STX8: variants seen among roughly 807,000 people sequenced by gnomAD.
The protein encoded by STX8 is syntaxin 8.
A neutral mutation model predicts 37.5 loss-of-function variants in STX8; 23 were observed. The ratio of observed to expected loss-of-function variants is 0.61; its 90% CI spans 0.44 to 0.87. The LOEUF (loss-of-function observed/expected upper bound fraction) is 0.87. Among genes scored for constraint, STX8 ranks in the 40% least tolerant of loss-of-function variants. The probability of loss-of-function intolerance (pLI) is 0.00; values close to 1 mark genes in which losing one functional copy is unlikely to be tolerated. For synonymous variants in STX8, 115 were observed against 99.1 expected (o/e 1.16, Z -0.95); for missense variants, 313 against 284.7 (o/e 1.10, Z -0.71).
At chr17:9,570,339 A>T (rs1249597777) in intron 1 of STX8, among the ~76,000 whole-genome samples, 1 of 152,104 alleles carries the variant, frequency 6.6e-6, no homozygotes, top group African/African-American at 2.4e-5. Flanking sequence ...TGTAAACTTC[A>T]TAAGGATCCT....
At chr17:9,441,707 C>T (rs536981869) in intron 6 of STX8, among the ~76,000 whole-genome samples, 2 of 131,012 alleles carry the variant, frequency 1.5e-5, no homozygotes, top group East Asian at 5.1e-4. Flanking sequence ...GACGGAGTCT[C>T]GCTCTGTGCC....
chr17:9,424,561 G>C (rs535489712), intron 6 of STX8, among the ~76,000 whole-genome samples: 1 of 151,846 alleles, frequency 6.6e-6, no homozygotes, highest in East Asian at 1.9e-4. Flanking sequence ...ATTCTCCCTC[G>C]ATCCCCTCTT....
At chr17:9,530,183 C>T (rs906537487) in intron 4 of STX8, among the ~76,000 whole-genome samples, 3 of 151,792 alleles carry the variant, frequency 2.0e-5, no homozygotes, top group Non-Finnish European at 4.4e-5. Flanking sequence ...CAGTGACGGG[C>T]GCCTGTAGTC....
chr17:9,340,984 A>C (rs1322514857), intron 7 of STX8, among the ~76,000 whole-genome samples: 1 of 146,654 alleles, frequency 6.8e-6, no homozygotes, highest in Non-Finnish European at 1.5e-5. Flanking sequence ...GTAAAATTTA[A>C]ATTATAAATT....
intron 7 of STX8, among the ~76,000 whole-genome samples, chr17:9,334,104 C>T (rs1362899317): frequency 1.3e-5 from 2 of 150,058 alleles, no homozygotes; most frequent in African/African-American, 2.5e-5. Context: ...CATGGGTCGT[C>T]CCTGTCTTCT....
intron 7 of STX8, among the ~76,000 whole-genome samples, chr17:9,251,449 A>G (rs1348727033): frequency 1.3e-5 from 2 of 152,356 alleles, no homozygotes; most frequent in East Asian, 3.9e-4. Flanking sequence ...AAGGTATAGC[A>G]TAACAGAGAA....
chr17:9,271,000 G>GT (rs1375605603), intron 7 of STX8, among the ~76,000 whole-genome samples: 1 of 152,184 alleles, frequency 6.6e-6, no homozygotes, highest in African/African-American at 2.4e-5. Context: ...CTCAGTTCAT[G>GT]TTTCATTCAT....
chr17:9,289,835 A>G (rs901999733), intron 7 of STX8, among the ~76,000 whole-genome samples: 3 of 152,176 alleles, frequency 2.0e-5, no homozygotes, highest in African/African-American at 7.2e-5. Flanking sequence ...TAAGTTCCAA[A>G]AAAACACAAA....
intron 6 of STX8, among the ~76,000 whole-genome samples, chr17:9,417,953 T>C (rs1052502714): frequency 1.3e-5 from 2 of 152,196 alleles, no homozygotes; most frequent in South Asian, 4.1e-4. Flanking sequence ...ATCAGGCTGT[T>C]CCTTGCATCC....
At chr17:9,511,194 CA>C (rs1055403761) in intron 4 of STX8, among the ~76,000 whole-genome samples, 1 of 151,862 alleles carries the variant, frequency 6.6e-6, no homozygotes, top group African/African-American at 2.4e-5. Context: ...AAGAAAAATG[CA>C]TACCAATTCT....
rs980062772 is a variant in STX8, at chr17:9,556,792, T to C, written c.212+642A>G. Reference sequence around the variant, plus strand: ...ATATATATATATATATATATATATATATACACATACATATATATATATATA... The same window carrying C: ...ATATATATATATATATATATATATACATACACATACATATATATATATATA... On this transcript the variant is annotated intron_variant, in intron 3 of 7. Coordinates refer to ENST00000306357, the MANE Select transcript of STX8 (RefSeq NM_004853.3). The C allele has an allele frequency of 3.9e-3, 90 of 23,290 alleles. 1 individual carries two copies. The highest frequency in any genetic ancestry group is 0.014 in the African/African-American group (74 of 5,404). The allele number at this position is 23,290 out of a possible 1,614,324, so 1.4% of individuals were successfully genotyped here. A position where few individuals can be genotyped will look rare whatever the true frequency, so the allele number is the denominator to read the frequency against.
At chr17:9,494,651 CAAAGT>C (rs1394065602) in intron 5 of STX8, among the ~76,000 whole-genome samples, 1 of 95,548 alleles carries the variant, frequency 1.0e-5, no homozygotes, top group African/African-American at 3.6e-5. Flanking sequence ...AGATACAAAA[CAAAGT>C]ATAGTACAAC....
intron 6 of STX8, among the ~76,000 whole-genome samples, chr17:9,469,477 A>G (rs1371141073): frequency 6.6e-6 from 1 of 152,124 alleles, no homozygotes; most frequent in Non-Finnish European, 1.5e-5. Context: ...ACATGTTCAT[A>G]AGTGATAAAA....
At chr17:9,493,804 C>G (rs1436244430) in intron 5 of STX8, among the ~76,000 whole-genome samples, 1 of 152,130 alleles carries the variant, frequency 6.6e-6, no homozygotes, top group East Asian at 1.9e-4. Context: ...CTTTCCCTGT[C>G]AAATTTCTCT....
intron 6 of STX8, among the ~76,000 whole-genome samples, chr17:9,443,112 A>G (rs1230238767): frequency 6.6e-6 from 1 of 152,202 alleles, no homozygotes; most frequent in African/African-American, 2.4e-5. Flanking sequence ...AGTTAACATC[A>G]AAGAAGATAA....
chr17:9,361,113 G>A (rs1911047362), intron 7 of STX8, among the ~76,000 whole-genome samples: 1 of 152,092 alleles, frequency 6.6e-6, no homozygotes, highest in South Asian at 2.1e-4. Flanking sequence ...GCCTGGCTCT[G>A]AAATAGAAAG....
chr17:9,567,168 G>GGAGGAA (rs1421471395), intron 2 of STX8, among the ~76,000 whole-genome samples: 3 of 152,174 alleles, frequency 2.0e-5, no homozygotes. Flanking sequence ...GAAGCTGGAA[G>GGAGGAA]GAGGAAGAGG....
At chr17:9,277,677 C>A (rs1206885895) in intron 7 of STX8, among the ~76,000 whole-genome samples, 1 of 152,110 alleles carries the variant, frequency 6.6e-6, no homozygotes, top group Admixed American at 6.5e-5. Flanking sequence ...ACAACAGTTA[C>A]TTTAATGGGG....
chr17:9,482,204 C>T (rs1906378776), intron 6 of STX8, among the ~76,000 whole-genome samples: 1 of 152,028 alleles, frequency 6.6e-6, no homozygotes, highest in Admixed American at 6.6e-5. Flanking sequence ...AATCGTCTTA[C>T]AGCAATGTTT....
Sources: gnomAD v4.1 joint callset for allele counts (sites outside exome capture counted in the v4.1 genomes callset) on GRCh38, gnomAD v4.1.1 for gene constraint, MANE v1.5 for transcripts, NCBI Gene and HGNC (gene_info 2026-07-23, HGNC 2026-07-21) for gene names.